CSNK1D: variants seen among roughly 807,000 people sequenced by gnomAD.
The protein encoded by CSNK1D is casein kinase 1 delta, also known as casein kinase I isoform delta.
Under a neutral mutation model 46.6 loss-of-function variants are expected in CSNK1D, and 16 were observed. The observed-to-expected ratio is 0.34, with a 90% CI of 0.23 to 0.52. CSNK1D has a LOEUF of 0.52. Among genes scored for constraint, CSNK1D ranks in the 20% least tolerant of loss-of-function variants. The probability of loss-of-function intolerance (pLI) is 0.95; values close to 1 mark genes in which losing one functional copy is unlikely to be tolerated. For synonymous variants in CSNK1D, 276 were observed against 228.2 expected (o/e 1.21, Z -1.89); for missense variants, 398 against 578.4 (o/e 0.69, Z 3.20).
Position 82,244,775 on chromosome 17 carries a change from G to C in CSNK1D, c.*6C>G. The C allele has an allele frequency of 6.2e-7, 1 of 1,614,034 alleles. No individual in the cohort carries two copies. Among genetic ancestry groups the C allele is most frequent in the African/African-American group, 1.3e-5 (1 of 75,058 alleles). Reference sequence around the variant, plus strand: ...TGTCTGCCCTTCACAGCAATAAGGAGAGTTCTCATCGGTGCACGACAGACT... The same window carrying C: ...TGTCTGCCCTTCACAGCAATAAGGACAGTTCTCATCGGTGCACGACAGACT... On this transcript the variant is annotated 3_prime_UTR_variant, in exon 9 of 9. Coordinates refer to ENST00000314028, the MANE Select transcript of CSNK1D (RefSeq NM_001893.6).
At chr17:82,256,946 C>T (rs1485196791) in intron 2 of CSNK1D, among the ~76,000 whole-genome samples, 1 of 152,132 alleles carries the variant, frequency 6.6e-6, no homozygotes, top group Non-Finnish European at 1.5e-5. Context: ...AAATTCAATT[C>T]ATTTAAAAAA....
intron 8 of CSNK1D, 102 bp from the exon 9 acceptor site, chr17:82,244,933 AC>A: frequency 6.7e-7 from 1 of 1,493,230 alleles, no homozygotes. Context: ...ACGCACCGCC[AC>A]CGCCTAGCCC....
intron 8 of CSNK1D, chr17:82,245,315 G>A (rs545267415): frequency 2.4e-5 from 7 of 286,310 alleles, no homozygotes; most frequent in South Asian, 2.4e-4. Flanking sequence ...GGCCGCCGAG[G>A]AGGGAGCACA....
chr17:82,262,036 G>A (rs1354767079), intron 2 of CSNK1D, among the ~76,000 whole-genome samples: 1 of 152,216 alleles, frequency 6.6e-6, no homozygotes, highest in African/African-American at 2.4e-5. Flanking sequence ...GGAAAGAGCA[G>A]TTACAACTGT....
downstream of CSNK1D, among the ~76,000 whole-genome samples, chr17:82,241,768 T>C (rs983592211): frequency 6.6e-6 from 1 of 152,098 alleles, no homozygotes; most frequent in Admixed American, 6.5e-5. Context: ...ACAGCCAGAA[T>C]GGCTGAGAGG....
intron 3 of CSNK1D, chr17:82,254,091 C>T (rs1426700485): frequency 2.2e-5 from 4 of 182,918 alleles, no homozygotes; most frequent in African/African-American, 4.0e-5. Context: ...TGAGCTGAGC[C>T]GCCGGAGCCT....
chr17:82,259,290 T>A (rs1393837256), intron 2 of CSNK1D, among the ~76,000 whole-genome samples: 1 of 152,254 alleles, frequency 6.6e-6, no homozygotes, highest in Non-Finnish European at 1.5e-5. Flanking sequence ...GATTTTATAT[T>A]TTGATCTTAA....
intron 1 of CSNK1D, among the ~76,000 whole-genome samples, chr17:82,266,032 C>A (rs2147216025): frequency 6.6e-6 from 1 of 152,322 alleles, no homozygotes; most frequent in Non-Finnish European, 1.5e-5. Context: ...TATGTGGCTT[C>A]CATCACCCGC....
In CSNK1D at chr17:82,273,283, G is replaced by GGGCGGGGGC. The variant is rs912470328; in HGVS notation, c.76+14_76+22dup. The GGGCGGGGGC allele has an allele frequency of 2.5e-5, 40 of 1,596,850 alleles. No homozygotes were observed. The highest frequency in any genetic ancestry group is 3.2e-5 in the Non-Finnish European group (38 of 1,173,398). ...CGCAGGGCCCGGGTCTTCGGGCGGC[G>GGGCGGGGGC]GGCGGGGGCGGCGGGGCCTCACCGA... is the stretch of plus-strand genomic sequence containing the variant. On this transcript the variant is annotated intron_variant, in intron 1 of 8. Transcript: ENST00000314028. The surrounding 1 kb of genome is among the most constrained non-coding windows in gnomAD (Gnocchi z 5.1).
chr17:82,260,212 G>C (rs1222806433), intron 2 of CSNK1D, among the ~76,000 whole-genome samples: 1 of 150,870 alleles, frequency 6.6e-6, no homozygotes, highest in Non-Finnish European at 1.5e-5. Context: ...TGTACTGACT[G>C]ATGTGACTGA....
rs1006764599 is a variant in CSNK1D at position 82,249,939 on chromosome 17, GGA to G, written c.886-339_886-338del. 6.2e-6 allele frequency: 8 copies of G among 1,280,056 alleles called. No individual in the cohort carries two copies. The African/African-American group carries it at 1.1e-4, about 17-fold the overall frequency. 79.3% of individuals were successfully genotyped at this position (1,280,056 alleles called of 1,614,324 possible). On this transcript the variant is annotated intron_variant, in intron 6 of 8. Transcript: ENST00000314028. This position sits in a 1 kb window ranked among gnomAD's most constrained non-coding sequence, Gnocchi z 6.7. The stretch of plus-strand genomic sequence containing the variant: ...ATGCTCACTAACACGTGCAGAAAGA[GGA>G]GAGGGACAGGAACCATCGGAGGCCA...
intron 8 of CSNK1D, chr17:82,246,457 AGTCATCGACT>A: frequency 8.8e-7 from 1 of 1,133,574 alleles, no homozygotes. Flanking sequence ...GATCAAAGCG[AGTCATCGACT>A]GTTGGAATGA....
At chr17:82,272,789 C>T (rs749397122) in intron 1 of CSNK1D, among the ~76,000 whole-genome samples, 1 of 152,218 alleles carries the variant, frequency 6.6e-6, no homozygotes, top group Non-Finnish European at 1.5e-5. Flanking sequence ...AGCCCCGGAC[C>T]GGGCTGCGGA....
Position 82,248,624 on chromosome 17 carries a change from G to T in CSNK1D, c.1197+251C>A. On this transcript the variant is annotated intron_variant, in intron 8 of 8. Coordinates refer to ENST00000314028, the MANE Select transcript of CSNK1D (RefSeq NM_001893.6). The surrounding 1 kb of genome is among the most constrained non-coding windows in gnomAD (Gnocchi z 4.1). ...CAGGAGAAAGCCCCCACGGTTTGCTGGCCTCAGGGACCTGAGACCTGAGAC... is the reference window on the plus strand; with the variant it reads ...CAGGAGAAAGCCCCCACGGTTTGCTTGCCTCAGGGACCTGAGACCTGAGAC... 1 of 1,356,404 alleles carries T rather than the reference G, an allele frequency of 7.4e-7. No individual in the cohort carries two copies. The highest frequency in any genetic ancestry group is 1.6e-5 in the South Asian group (1 of 62,694). 84.0% of individuals were successfully genotyped at this position (1,356,404 alleles called of 1,614,324 possible).
chr17:82,246,638 G>A, intron 8 of CSNK1D: 1 of 1,004,738 alleles, frequency 1.0e-6, no homozygotes, highest in Non-Finnish European at 1.2e-6. Context: ...CCGGGCTGGG[G>A]CGGGGCCCTA....
chr17:82,265,844 A>G, intron 1 of CSNK1D, 48 bp from the exon 2 acceptor site: 3 of 1,430,668 alleles, frequency 2.1e-6, no homozygotes, highest in Non-Finnish European at 3.0e-6. Context: ...GTATCCACCA[A>G]ATAACCCAAC....
At chr17:82,240,810 G>C (rs962092510), downstream of CSNK1D, among the ~76,000 whole-genome samples, 1 of 152,176 alleles carries the variant, frequency 6.6e-6, no homozygotes, top group African/African-American at 2.4e-5. Context: ...TGGGGGCTGG[G>C]GTCCCTGTGC....
In CSNK1D at chr17:82,243,200, G is replaced by GAAC; in HGVS notation, c.*1578_*1580dup. Reference sequence around the variant, plus strand: ...ACGGCCAGCCAGCTGGTGGGGGGGTGAACAACTGTGTTCTGGGACGCCAGC... The same window carrying GAAC: ...ACGGCCAGCCAGCTGGTGGGGGGGTGAACAACAACTGTGTTCTGGGACGCCAGC... On this transcript the variant is annotated 3_prime_UTR_variant, in exon 9 of 9. Coordinates refer to ENST00000314028, the MANE Select transcript of CSNK1D (RefSeq NM_001893.6). 2 of 985,660 alleles carry GAAC rather than the reference G, an allele frequency of 2.0e-6. No homozygotes were observed. The highest frequency in any genetic ancestry group is 2.4e-6 in the Non-Finnish European group (2 of 830,104). The allele number at this position is 985,660 out of a possible 1,614,324, so 61.1% of individuals were successfully genotyped here.
In CSNK1D at chr17:82,273,351, G is replaced by C; in HGVS notation, c.31C>G (p.Leu11Val). Residue 11 changes from leucine to valine, a missense_variant, in exon 1 of 9, where the codon CTG becomes GTG. Leu to Val is a conservative substitution (Grantham distance 32). Coordinates refer to ENST00000314028, the MANE Select transcript of CSNK1D (RefSeq NM_001893.6). This position sits in a 1 kb window ranked among gnomAD's most constrained non-coding sequence, Gnocchi z 5.1. ...GAGCCGCTGCCGATCTTCCGGCCCA[G>C]CCGGTACCTGTTCCCGACTCTCAGC... Reference protein sequence around the residue: MELRVGNRYRLGRKIGSGSFG... With the variant: MELRVGNRYRVGRKIGSGSFG... The C allele has an allele frequency of 6.2e-7, 1 of 1,610,942 alleles. No homozygotes were observed. Among genetic ancestry groups the C allele is most frequent in the Non-Finnish European group, 8.5e-7 (1 of 1,179,424 alleles).
Sources: gnomAD v4.1 joint callset for allele counts (sites outside exome capture counted in the v4.1 genomes callset) on GRCh38, gnomAD v4.1.1 for gene constraint, Gnocchi (gnomAD v3.1) non-coding constraint, MANE v1.5 for transcripts, NCBI Gene and HGNC (gene_info 2026-07-23, HGNC 2026-07-21) for gene names.